Variants in RCSD1 observed in about 807,000 individuals in gnomAD.
RCSD1 encodes the protein capZ-interacting protein.
Under a neutral mutation model 42.5 loss-of-function variants are expected in RCSD1, and 26 were observed. The observed-to-expected ratio is 0.61, with a 90% confidence interval of 0.45 to 0.85. The LOEUF (loss-of-function observed/expected upper bound fraction) is 0.85, where lower values mean the gene tolerates loss of function less well. Ranked by LOEUF, RCSD1 falls within the 40% of genes least tolerant of loss-of-function variation. The pLI, the probability that RCSD1 is intolerant of heterozygous loss-of-function variation, is 0.00. For synonymous variants in RCSD1, 220 were observed against 212.2 expected (o/e 1.04, Z -0.32); for missense variants, 571 against 528.3 (o/e 1.08, Z -0.79).
chr1:167,630,915 C>T (rs923360265), intron 1 of RCSD1, among the ~76,000 whole-genome samples: 3 of 152,104 alleles, frequency 2.0e-5, no homozygotes, highest in Non-Finnish European at 2.9e-5. Context: ...TTTTCGCTTT[C>T]GGAGTGGCAT....
chr1:167,686,094 A>G (rs1021491992), intron 3 of RCSD1, among the ~76,000 whole-genome samples: 3 of 152,212 alleles, frequency 2.0e-5, no homozygotes, highest in Admixed American at 6.5e-5. Flanking sequence ...AGCCAGTAAT[A>G]GGTTCTTAGC....
chr1:167,659,825 G>A (rs915313376), intron 1 of RCSD1, among the ~76,000 whole-genome samples: 1 of 152,080 alleles, frequency 6.6e-6, no homozygotes, highest in Non-Finnish European at 1.5e-5. Context: ...TGGGATAGAT[G>A]TGGAATGTCC....
At chr1:167,690,248 C>A in intron 4 of RCSD1, 128 bp downstream of exon 4, 1 of 758,522 alleles carries the variant, frequency 1.3e-6, no homozygotes, top group Non-Finnish European at 2.2e-6. Flanking sequence ...CAATAATCAG[C>A]CAGTGATCAA....
At chr1:167,673,812 C>A (rs561013655) in intron 1 of RCSD1, among the ~76,000 whole-genome samples, 2 of 152,214 alleles carry the variant, frequency 1.3e-5, no homozygotes, top group Non-Finnish European at 2.9e-5. Context: ...CCTGTGCCTA[C>A]AACATGCCTT....
At chr1:167,630,490 C>T in intron 1 of RCSD1, 61 bp downstream of exon 1, 2 of 1,475,044 alleles carry the variant, frequency 1.4e-6, no homozygotes, top group Non-Finnish European at 1.8e-6. Context: ...GGCGCCCCTT[C>T]CCCGGGCGGC....
intron 1 of RCSD1, among the ~76,000 whole-genome samples, chr1:167,653,982 T>G (rs1461628726): frequency 6.6e-6 from 1 of 152,244 alleles, no homozygotes; most frequent in African/African-American, 2.4e-5. Context: ...CCAGCTCTGC[T>G]GCAGCTTTGT....
chr1:167,699,831 C>G (rs1328056931), intron 6 of RCSD1, among the ~76,000 whole-genome samples: 1 of 152,178 alleles, frequency 6.6e-6, no homozygotes, highest in Non-Finnish European at 1.5e-5. Context: ...GTGGGACATT[C>G]CTTCTGATCC....
At chr1:167,684,581 G>T (rs1274733325) in intron 2 of RCSD1, among the ~76,000 whole-genome samples, 1 of 152,122 alleles carries the variant, frequency 6.6e-6, no homozygotes, top group African/African-American at 2.4e-5. Flanking sequence ...CTCATTAGAA[G>T]TGAGATGAGG....
intron 1 of RCSD1, among the ~76,000 whole-genome samples, chr1:167,642,307 G>C (rs1189971144): frequency 1.5e-5 from 2 of 136,070 alleles, no homozygotes; most frequent in Admixed American, 7.5e-5. Context: ...ACAAGAGGGG[G>C]AAAGCCGAGG....
intron 1 of RCSD1, among the ~76,000 whole-genome samples, chr1:167,660,284 ACACTC>A (rs968866499): frequency 1.3e-5 from 2 of 152,120 alleles, no homozygotes; most frequent in African/African-American, 2.4e-5. Context: ...TGTCAGTCAG[ACACTC>A]CATCTCCAGA....
intron 1 of RCSD1, 126 bp downstream of exon 1, chr1:167,630,555 G>C: frequency 9.7e-7 from 1 of 1,035,506 alleles, no homozygotes; most frequent in Non-Finnish European, 1.3e-6. Flanking sequence ...AACTAGAAGG[G>C]CAAATGCCTG....
chr1:167,679,402 G>T (rs1659026471), intron 1 of RCSD1, among the ~76,000 whole-genome samples: 1 of 152,234 alleles, frequency 6.6e-6, no homozygotes, highest in Admixed American at 6.5e-5. Flanking sequence ...TCCTAGGATA[G>T]TAATGGTCAA....
At chr1:167,649,775 G>A (rs1041898850) in intron 1 of RCSD1, among the ~76,000 whole-genome samples, 5 of 152,182 alleles carry the variant, frequency 3.3e-5, no homozygotes, top group African/African-American at 9.7e-5. Flanking sequence ...CCTAGCTGAC[G>A]ACTAAGGGAG....
chr1:167,699,185 T>C (rs551405262), intron 6 of RCSD1, among the ~76,000 whole-genome samples: 1 of 152,358 alleles, frequency 6.6e-6, no homozygotes, highest in East Asian at 1.9e-4. Flanking sequence ...AGGTTTGGTT[T>C]GTTTTTTAGA....
At chr1:167,649,405 T>C (rs141754372) in intron 1 of RCSD1, among the ~76,000 whole-genome samples, 2 of 152,218 alleles carry the variant, frequency 1.3e-5, no homozygotes, top group Admixed American at 1.3e-4. Context: ...GACACTGTTA[T>C]TTGTATAACA....
chr1:167,632,272 G>A (rs1298706808), intron 1 of RCSD1, among the ~76,000 whole-genome samples: 2 of 152,232 alleles, frequency 1.3e-5, no homozygotes, highest in Non-Finnish European at 1.5e-5. Context: ...GCCCCAGGCT[G>A]CAGATTCACT....
At chr1:167,645,029 C>G (rs1401732205) in intron 1 of RCSD1, among the ~76,000 whole-genome samples, 1 of 152,220 alleles carries the variant, frequency 6.6e-6, no homozygotes, top group South Asian at 2.1e-4. Context: ...TGAAGAAAGT[C>G]TCCAGTGGCA....
rs1258302687 is a variant in RCSD1 at position 167,630,239 on chromosome 1, G to T, written c.-185G>T. 7 of 177,996 alleles carry T rather than the reference G, an allele frequency of 3.9e-5. No homozygotes were observed. The highest frequency in any genetic ancestry group is 2.3e-4 in the Admixed American group (3 of 12,962). The allele number at this position is 177,996 out of a possible 1,614,324, so 11.0% of individuals were successfully genotyped here. ...TCCTCCTCCTTCCTCGTTCTCTCGC[G>T]CAGGGCCCCCGCGGCCGGGGCAGTC... is the stretch of plus-strand genomic sequence containing the variant. On this transcript the variant is annotated 5_prime_UTR_variant, in exon 1 of 7. Transcript: ENST00000367854.
In RCSD1 at chr1:167,708,111, C is replaced by T. The variant is rs1327516493; in HGVS notation, c.*3415C>T. Reference sequence around the variant, plus strand: ...CTTTCCATAGGCCCTGTGTGACTCACGTGTCTATACCTGAATCAACTGTTA... The same window carrying T: ...CTTTCCATAGGCCCTGTGTGACTCATGTGTCTATACCTGAATCAACTGTTA... On this transcript the variant is annotated 3_prime_UTR_variant, in exon 7 of 7. Transcript: ENST00000367854. Among the ~76,000 whole-genome samples, 1 of 152,174 alleles carries T rather than the reference C, an allele frequency of 6.6e-6. No homozygotes were observed. Among genetic ancestry groups the T allele is most frequent in the African/African-American group, 2.4e-5 (1 of 41,440 alleles).
Sources: gnomAD v4.1 joint callset for allele counts (sites outside exome capture counted in the v4.1 genomes callset) on GRCh38, gnomAD v4.1.1 for gene constraint, MANE v1.5 for transcripts, NCBI Gene and HGNC (gene_info 2026-07-23, HGNC 2026-07-21) for gene names.